ESRRB: variants seen among roughly 807,000 people sequenced by gnomAD.
The protein encoded by ESRRB is estrogen related receptor beta, also known as steroid hormone receptor ERR2.
A neutral mutation model predicts 46.0 loss-of-function variants in ESRRB; 16 were observed. The ratio of observed to expected loss-of-function variants is 0.35; its 90% CI spans 0.24 to 0.53. ESRRB has a LOEUF of 0.53. Ranked by LOEUF, ESRRB falls within the 20% of genes least tolerant of loss-of-function variation. The pLI is 0.93. For missense variants in ESRRB, 488 were observed against 607.4 expected (o/e 0.80, Z 2.07); for synonymous variants, 246 against 259.6 (o/e 0.95, Z 0.50).
At chr14:76,451,644 T>A (rs1888383773) in intron 2 of ESRRB, among the ~76,000 whole-genome samples, 1 of 152,142 alleles carries the variant, frequency 6.6e-6, no homozygotes, top group Non-Finnish European at 1.5e-5. Context: ...TATTTATTTT[T>A]GAGACAGAGT....
Position 76,482,154 on chromosome 14 carries a change from T to A in ESRRB, c.688+28T>A. ...GAGTGTCAGGGCAGTCCCTGCCCCT[T>A]TTGCCAGCATCTGTACCTGGAACAT... On this transcript the variant is annotated intron_variant, in intron 4 of 6. Coordinates refer to ENST00000644823, the MANE Select transcript of ESRRB (RefSeq NM_001379180.1). The surrounding 1 kb of genome is among the most constrained non-coding windows in gnomAD (Gnocchi z 4.3). 1 of 1,520,772 alleles carries A rather than the reference T, an allele frequency of 6.6e-7. No individual in the cohort carries two copies. The highest frequency in any genetic ancestry group is 9.1e-7 in the Non-Finnish European group (1 of 1,095,072). 94.2% of individuals were successfully genotyped at this position (1,520,772 alleles called of 1,614,324 possible).
chr14:76,462,500 C>A, intron 2 of ESRRB, 45 bp from the exon 3 acceptor site: 1 of 1,500,176 alleles, frequency 6.7e-7, no homozygotes, highest in South Asian at 1.1e-5. Context: ...AGGTGGGGGC[C>A]CTGGGCGGCC....
intron 2 of ESRRB, among the ~76,000 whole-genome samples, chr14:76,446,211 C>A (rs1352526808): frequency 2.0e-5 from 3 of 152,186 alleles, no homozygotes; most frequent in Non-Finnish European, 4.4e-5. Flanking sequence ...CGGCCTGATC[C>A]ACAAAACCTG....
intron 3 of ESRRB, among the ~76,000 whole-genome samples, chr14:76,474,912 A>AT (rs1450547465): frequency 3.3e-5 from 5 of 151,424 alleles, no homozygotes; most frequent in African/African-American, 7.3e-5. Context: ...ACATAGTGAG[A>AT]TCCCCCATCT....
intron 1 of ESRRB, among the ~76,000 whole-genome samples, chr14:76,334,996 T>C (rs1884109446): frequency 6.6e-6 from 1 of 152,114 alleles, no homozygotes; most frequent in African/African-American, 2.4e-5. Flanking sequence ...CATGTGGGTG[T>C]ATTCCTGAAC....
At chr14:76,335,459 A>G (rs765251196) in intron 1 of ESRRB, among the ~76,000 whole-genome samples, 1 of 152,188 alleles carries the variant, frequency 6.6e-6, no homozygotes, top group Non-Finnish European at 1.5e-5. Flanking sequence ...TACACATGTT[A>G]TTTATTTAAC....
At chr14:76,381,323 C>G (rs1885007187) in intron 1 of ESRRB, among the ~76,000 whole-genome samples, 1 of 152,092 alleles carries the variant, frequency 6.6e-6, no homozygotes, top group Non-Finnish European at 1.5e-5. Flanking sequence ...GGCAGATTAA[C>G]CCTCACCGGG....
At chr14:76,382,367 G>T (rs914940012) in intron 1 of ESRRB, among the ~76,000 whole-genome samples, 2 of 152,210 alleles carry the variant, frequency 1.3e-5, no homozygotes, top group African/African-American at 4.8e-5. Flanking sequence ...CCTGCTAGGT[G>T]GCTGTCCCTC....
rs1317918667 is a variant in ESRRB at position 76,500,106 on chromosome 14, C to T, written c.*1648C>T. The T allele has an allele frequency of 2.0e-6, 3 of 1,511,532 alleles. No individual in the cohort carries two copies. The highest frequency in any genetic ancestry group is 2.7e-6 in the Non-Finnish European group (3 of 1,115,586). 93.6% of individuals were successfully genotyped at this position (1,511,532 alleles called of 1,614,324 possible). On this transcript the variant is annotated 3_prime_UTR_variant, in exon 7 of 7. Coordinates refer to ENST00000644823, the MANE Select transcript of ESRRB (RefSeq NM_001379180.1). The stretch of plus-strand genomic sequence containing the variant: ...CTTTTCCATAGAAGCCCTGGTCCCA[C>T]CTCCTTGGCTCTACCCCAGGAACCT...
chr14:76,325,452 G>A (rs894442718), intron 1 of ESRRB, among the ~76,000 whole-genome samples: 2 of 152,176 alleles, frequency 1.3e-5, no homozygotes, highest in African/African-American at 2.4e-5. Flanking sequence ...GACGGGGTGT[G>A]TAAGGAAGGC....
intron 1 of ESRRB, among the ~76,000 whole-genome samples, chr14:76,340,207 A>G (rs1383226397): frequency 6.6e-6 from 1 of 152,200 alleles, no homozygotes; most frequent in African/African-American, 2.4e-5. Flanking sequence ...CTCTAACTCT[A>G]TGCCCAGGGG....
chr14:76,346,986 T>A (rs1884258497), intron 1 of ESRRB, among the ~76,000 whole-genome samples: 1 of 152,202 alleles, frequency 6.6e-6, no homozygotes, highest in African/African-American at 2.4e-5. Flanking sequence ...CACGTGCTTA[T>A]GCAAACACTG....
chr14:76,480,452 C>G (rs1316707642), intron 3 of ESRRB, among the ~76,000 whole-genome samples: 2 of 152,198 alleles, frequency 1.3e-5, no homozygotes, highest in African/African-American at 4.8e-5. Context: ...GTTTTCTCCA[C>G]TCATTCAGTA....
intron 2 of ESRRB, among the ~76,000 whole-genome samples, chr14:76,450,178 G>T (rs1888329501): frequency 6.6e-6 from 1 of 152,058 alleles, no homozygotes; most frequent in South Asian, 2.1e-4. Context: ...GATTAGGGAA[G>T]GTTGTGCTAA....
At chr14:76,491,416 C>T (rs1418707776) in intron 5 of ESRRB, 31 bp from the exon 6 acceptor site, 1 of 1,605,054 alleles carries the variant, frequency 6.2e-7, no homozygotes, top group Admixed American at 1.7e-5. Context: ...TCCTGACCTG[C>T]TGCTGCCCTC....
At chr14:76,345,407 G>T (rs1884238006) in intron 1 of ESRRB, among the ~76,000 whole-genome samples, 1 of 152,080 alleles carries the variant, frequency 6.6e-6, no homozygotes, top group South Asian at 2.1e-4. Context: ...ATTCTCAAAA[G>T]AAGATACACA....
intron 1 of ESRRB, among the ~76,000 whole-genome samples, chr14:76,395,455 C>T (rs149389287): frequency 0.011 from 1,633 of 152,206 alleles, 19 homozygotes; most frequent in Non-Finnish European, 0.017. Flanking sequence ...AATAGACAGC[C>T]CCTGTGTGGT....
chr14:76,358,508 C>T (rs888779178), intron 1 of ESRRB, among the ~76,000 whole-genome samples: 7 of 151,318 alleles, frequency 4.6e-5, no homozygotes, highest in Non-Finnish European at 8.8e-5. Flanking sequence ...ATTTTCTCAT[C>T]GGCGTGCTGG....
At chr14:76,447,318 A>T (rs79104486) in intron 2 of ESRRB, among the ~76,000 whole-genome samples, 4,279 of 141,766 alleles carry the variant, frequency 0.03, 109 homozygotes, top group African/African-American at 0.073. Flanking sequence ...TTAACATTCA[A>T]CTATCTCTAG....
Sources: allele counts gnomAD v4.1 joint callset (sites outside exome capture counted in the v4.1 genomes callset), GRCh38; gene constraint gnomAD v4.1.1; non-coding constraint Gnocchi (gnomAD v3.1); transcripts MANE v1.5; gene names NCBI Gene and HGNC (gene_info 2026-07-23, HGNC 2026-07-21).